Variants in DEPDC4 observed in about 807,000 individuals in gnomAD.
DEPDC4 encodes the protein DEP domain containing 4.
In DEPDC4, 52 loss-of-function variants were observed where a neutral mutation model predicts 52.0. The ratio of observed to expected loss-of-function variants is 1.00; its 90% CI spans 0.80 to 1.26. The LOEUF (loss-of-function observed/expected upper bound fraction) is 1.26, where lower values mean the gene tolerates loss of function less well. Ranked by LOEUF, DEPDC4 falls within the 50% of genes most tolerant of loss-of-function variation. The pLI is 0.00. For synonymous variants in DEPDC4, 201 were observed against 196.8 expected (o/e 1.02, Z -0.18); for missense variants, 530 against 546.9 (o/e 0.97, Z 0.31).
chr12:100,270,799 T>G (rs79360866), upstream of DEPDC4, among the ~76,000 whole-genome samples: 849 of 152,154 alleles, frequency 5.6e-3, 9 homozygotes, highest in African/African-American at 0.02. Flanking sequence ...TAAATCTTAT[T>G]GTACAGTGGT....
upstream of DEPDC4, among the ~76,000 whole-genome samples, chr12:100,271,281 A>AAAAGAG (rs869276181): frequency 7.8e-6 from 1 of 128,906 alleles, no homozygotes; most frequent in African/African-American, 2.8e-5. Context: ...AAAAAAAAAA[A>AAAAGAG]AGAGAGAGAG....
At chr12:100,244,122 T>TATATATATATATATATATACAC (rs1566310134) in intron 8 of DEPDC4, among the ~76,000 whole-genome samples, 1 of 111,070 alleles carries the variant, frequency 9.0e-6, no homozygotes, top group African/African-American at 3.9e-5. Context: ...TATATATATA[T>TATATATATATATATATATACAC]ATATATATAT....
At chr12:100,268,868 T>C (rs1354415950), upstream of DEPDC4, among the ~76,000 whole-genome samples, 1 of 152,222 alleles carries the variant, frequency 6.6e-6, no homozygotes. Flanking sequence ...AATTCCTCTG[T>C]CGTGCTTCAT....
intron 3 of DEPDC4, among the ~76,000 whole-genome samples, chr12:100,258,383 C>A (rs925972945): frequency 6.6e-6 from 1 of 151,628 alleles, no homozygotes; most frequent in Admixed American, 6.6e-5. Context: ...AATAAGAGAT[C>A]GGAATTAGAA....
chr12:100,273,023 T>C, the DEPDC4 span, among the ~76,000 whole-genome samples: 4 of 152,190 alleles, frequency 2.6e-5, no homozygotes, highest in African/African-American at 9.7e-5. Flanking sequence ...ATCCCTGAAT[T>C]GCATATTGAA....
At chr12:100,257,495 C>T (rs555451289) in intron 3 of DEPDC4, among the ~76,000 whole-genome samples, 3 of 152,282 alleles carry the variant, frequency 2.0e-5, no homozygotes, top group South Asian at 4.1e-4. Context: ...CCTGCCTCAG[C>T]CTACCGAGTA....
At chr12:100,261,892 G>C in intron 3 of DEPDC4, 5 of 428,824 alleles carry the variant, frequency 1.2e-5, no homozygotes, top group South Asian at 8.4e-5. Flanking sequence ...AGGGAGGAAT[G>C]AGTAGGTAAA....
the DEPDC4 span, among the ~76,000 whole-genome samples, chr12:100,273,588 G>A: frequency 7.9e-5 from 12 of 152,256 alleles, no homozygotes; most frequent in South Asian, 2.5e-3. Flanking sequence ...GTTGACTCTG[G>A]ATGATGGATA....
rs75234063 is a variant in DEPDC4 at position 100,246,065 on chromosome 12, T to G, written c.1453+2835A>C. The stretch of plus-strand genomic sequence containing the variant: ...GCCTTGACCTACTGAGCTCAAGCAA[T>G]CCTCCCACATCTGCCTCCCAAGCAG... On this transcript the variant is annotated intron_variant, in intron 8 of 9. Coordinates refer to ENST00000550587, the MANE Select transcript of DEPDC4 (RefSeq NM_001364818.2). Among the ~76,000 whole-genome samples, 1,052 of 151,108 alleles carry G rather than the reference T, an allele frequency of 7.0e-3. 14 individuals are homozygous for G. Among genetic ancestry groups the G allele is most frequent in the African/African-American group, 0.024 (971 of 41,112 alleles).
the DEPDC4 span, among the ~76,000 whole-genome samples, chr12:100,281,855 G>T: frequency 3.3e-5 from 5 of 150,176 alleles, no homozygotes; most frequent in African/African-American, 9.8e-5. Flanking sequence ...AAAAAAGAAA[G>T]TACAAATTTA....
At chr12:100,274,678 T>C in the DEPDC4 span, among the ~76,000 whole-genome samples, 1 of 152,190 alleles carries the variant, frequency 6.6e-6, no homozygotes, top group Non-Finnish European at 1.5e-5. Context: ...CTGGGATGGC[T>C]GAGAGAAATA....
In DEPDC4 at chr12:100,266,095, TA is replaced by T. The variant is rs1390175883; in HGVS notation, c.157+824del. Among the ~76,000 whole-genome samples, 8 of 152,110 alleles carry T rather than the reference TA, an allele frequency of 5.3e-5. No individual in the cohort carries two copies. The East Asian group carries it at 5.8e-4, about 11-fold the overall frequency. ...AAAATTAAATTTAATTAAAATTAAT[TA>T]AAAAAATTAAAGAATGATAAGGGAA... On this transcript the variant is annotated intron_variant, in intron 1 of 9. Transcript: ENST00000550587.
intron 2 of DEPDC4, 51 bp from the exon 3 acceptor site, chr12:100,262,460 T>A: frequency 7.2e-7 from 1 of 1,383,776 alleles, no homozygotes; most frequent in Non-Finnish European, 9.6e-7. Context: ...AACCAAAATT[T>A]CAAATATATA....
In DEPDC4 at chr12:100,253,631, C is replaced by T. The variant is rs2096218457; in HGVS notation, c.963G>A (p.Met321Ile). The T allele has an allele frequency of 1.6e-6, 2 of 1,289,682 alleles. No homozygotes were observed. Among genetic ancestry groups the T allele is most frequent in the South Asian group, 1.2e-5 (1 of 81,006 alleles). The allele number at this position is 1,289,682 out of a possible 1,614,324, so 79.9% of individuals were successfully genotyped here. A position where few individuals can be genotyped will look rare whatever the true frequency, so the allele number is the denominator to read the frequency against. ...ATCTTGTCTCTTCATTTCTGTTTTG[C>T]ATTAACTGCTGACTAACTGTAACTA... ...QLIVTVSQQL[M>I]QNRNEETRLN... is the part of the protein sequence containing the mutation. Residue 321 changes from methionine to isoleucine, a missense_variant, in exon 5 of 10, where the codon ATG becomes ATA. Physicochemically the swap from Met to Ile is conservative, Grantham distance 10. Coordinates refer to ENST00000550587, the MANE Select transcript of DEPDC4 (RefSeq NM_001364818.2).
intron 7 of DEPDC4, among the ~76,000 whole-genome samples, 174 bp downstream of exon 7, chr12:100,252,002 C>G (rs1055287805): frequency 3.3e-5 from 5 of 152,186 alleles, no homozygotes; most frequent in Non-Finnish European, 7.3e-5. Context: ...ACCCAGCCAA[C>G]AAAACGGTTT....
chr12:100,239,410 CTA>C (rs1020901781), downstream of DEPDC4, among the ~76,000 whole-genome samples: 1 of 151,574 alleles, frequency 6.6e-6, no homozygotes, highest in African/African-American at 2.4e-5. Context: ...GCGTTTCACT[CTA>C]TTGCCCAGGC....
chr12:100,276,029 C>G, the DEPDC4 span, among the ~76,000 whole-genome samples: 29 of 151,968 alleles, frequency 1.9e-4, no homozygotes, highest in Non-Finnish European at 4.1e-4. Context: ...CCCATTTGGT[C>G]GTGGGGTTGG....
chr12:100,281,939 C>A, the DEPDC4 span, among the ~76,000 whole-genome samples: 1 of 151,894 alleles, frequency 6.6e-6, no homozygotes, highest in South Asian at 2.1e-4. Flanking sequence ...GTGATCAACA[C>A]CTGTGAAAAG....
chr12:100,256,019 A>G (rs771602065), intron 4 of DEPDC4, 30 bp downstream of exon 4: 1 of 1,539,496 alleles, frequency 6.5e-7, no homozygotes, highest in Non-Finnish European at 8.8e-7. Context: ...ACTGTTTACA[A>G]ATTATTTGAC....
Sources: gnomAD v4.1 joint callset for allele counts (sites outside exome capture counted in the v4.1 genomes callset) on GRCh38, gnomAD v4.1.1 for gene constraint, MANE v1.5 for transcripts, NCBI Gene and HGNC (gene_info 2026-07-23, HGNC 2026-07-21) for gene names.